ZFP30: variants seen among roughly 807,000 people sequenced by gnomAD.
ZFP30 encodes zinc finger protein 30 homolog.
ZFP30 carries 16 observed loss-of-function variants against 12.3 expected under a neutral mutation model. The ratio of observed to expected loss-of-function variants is 1.30; its 90% CI spans 0.88 to 1.98. The LOEUF (loss-of-function observed/expected upper bound fraction) is 1.98. ZFP30 is among the 30% of genes most tolerant of loss of function. The pLI is 0.00. For synonymous variants in ZFP30, 172 were observed against 201.0 expected, an observed-to-expected ratio of 0.86 and a Z score of 1.22; for missense variants, 560 against 611.2, an observed-to-expected ratio of 0.92 and a Z score of 0.88.
intron 2 of ZFP30, among the ~76,000 whole-genome samples, chr19:37,652,175 C>T (rs1196232186): frequency 6.6e-6 from 1 of 152,128 alleles, no homozygotes; most frequent in Non-Finnish European, 1.5e-5. Context: ...TCCATGGAGT[C>T]ATATAATCCA....
intron 5 of ZFP30, 83 bp from the exon 6 acceptor site, chr19:37,636,388 CA>C (rs58180098): frequency 0.17 from 147,854 of 877,794 alleles, 7 homozygotes; most frequent in East Asian, 0.2. Context: ...AATCGGTGAC[CA>C]AAAAAAAAAA....
chr19:37,639,302 A>G (rs1270720766), intron 5 of ZFP30, among the ~76,000 whole-genome samples: 4 of 152,268 alleles, frequency 2.6e-5, no homozygotes, highest in Non-Finnish European at 5.9e-5. Flanking sequence ...AGGTTAAGAA[A>G]TAAGATGCTC....
chr19:37,632,156 T>A lies in ZFP30; in HGVS notation c.*2825A>T, dbSNP rs1202932835. ...TTTTAGAAAGCGTATCTTCTAACCG[T>A]CTTAATTTTTCATTTGTTTGTTGGT... is the stretch of plus-strand genomic sequence containing the variant. On this transcript the variant is annotated 3_prime_UTR_variant, in exon 6 of 6. Coordinates refer to ENST00000684514, the MANE Select transcript of ZFP30 (RefSeq NM_001320669.3). The A allele has an allele frequency of 3.9e-5, 6 of 151,924 alleles. No individual in the cohort carries two copies. The highest frequency in any genetic ancestry group is 5.9e-5 in the Non-Finnish European group (4 of 67,958). 9.4% of individuals were successfully genotyped at this position (151,924 alleles called of 1,614,324 possible).
intron 3 of ZFP30, among the ~76,000 whole-genome samples, chr19:37,645,077 C>T (rs889299469): frequency 1.3e-4 from 20 of 152,070 alleles, no homozygotes; most frequent in African/African-American, 2.7e-4. Context: ...TGGTGGCGGG[C>T]GCCTGTAGTC....
rs1421950181 is a variant in ZFP30 at position 37,633,611 on chromosome 19, A to G, written c.*1370T>C. 1.3e-5 allele frequency: 2 copies of G among 152,146 alleles called. No individual in the cohort carries two copies. The highest frequency in any genetic ancestry group is 4.8e-5 in the African/African-American group (2 of 41,420). 9.4% of individuals were successfully genotyped at this position (152,146 alleles called of 1,614,324 possible). A position where few individuals can be genotyped will look rare whatever the true frequency, so the allele number is the denominator to read the frequency against. On this transcript the variant is annotated 3_prime_UTR_variant, in exon 6 of 6. Coordinates refer to ENST00000684514, the MANE Select transcript of ZFP30 (RefSeq NM_001320669.3). ...TCATGATCTGCCCACCGGCCTCCCA[A>G]AGTGCTGGGATTACAGGCATGAGCC...
At chr19:37,646,264 G>A (rs917664704) in intron 3 of ZFP30, among the ~76,000 whole-genome samples, 7 of 152,150 alleles carry the variant, frequency 4.6e-5, no homozygotes, top group Non-Finnish European at 2.9e-5. Flanking sequence ...CTTGGGTAAC[G>A]AGGGACTGCT....
intron 4 of ZFP30, chr19:37,644,350 C>G (rs2044496777): frequency 4.6e-6 from 1 of 215,466 alleles, no homozygotes; most frequent in Admixed American, 5.9e-5. Context: ...CCCGGCCAAC[C>G]TGGTGAAACC....
At position 37,635,594 on chromosome 19, in the gene ZFP30, T is replaced by C. The variant is rs374385971; in HGVS notation, c.947A>G (p.His316Arg). 4.3e-6 allele frequency: 7 copies of C among 1,614,220 alleles called. No individual in the cohort carries two copies. The South Asian group carries it at 6.6e-5, about 15-fold the overall frequency. The change falls in exon 6 of 6, where the codon CAT (histidine) becomes CGT (arginine). Residue 316 changes from histidine (H) to arginine (R), a missense_variant. His to Arg is a conservative substitution (Grantham distance 29). Transcript: ENST00000684514. ...AFLCSTGLRL[H>R]HKLHTGEKPY... ...TTTTTCTCCAGTATGAAGTTTGTGA[T>C]GTAGTCGAAGGCCTGTACTACACAG... is the stretch of plus-strand genomic sequence containing the variant.
intron 5 of ZFP30, among the ~76,000 whole-genome samples, chr19:37,638,161 C>A (rs1022352017): frequency 6.6e-6 from 1 of 152,198 alleles, no homozygotes; most frequent in African/African-American, 2.4e-5. Flanking sequence ...CTTGCAGATA[C>A]CTCCACTGCA....
chr19:37,652,683 T>A (rs1044879771), intron 2 of ZFP30, among the ~76,000 whole-genome samples: 1 of 152,188 alleles, frequency 6.6e-6, no homozygotes, highest in Admixed American at 6.5e-5. Flanking sequence ...ATTGGGACCA[T>A]TGATCATTTT....
chr19:37,647,803 T>C lies in ZFP30; in HGVS notation c.9+11A>G. The C allele has an allele frequency of 2.5e-6, 4 of 1,613,812 alleles. No individual in the cohort carries two copies. Among genetic ancestry groups the C allele is most frequent in the South Asian group, 1.1e-5 (1 of 91,066 alleles). On this transcript the variant is annotated intron_variant, in intron 3 of 5. Transcript: ENST00000684514. ...GACAGAATTCCAAAGTAGAGAGAAA[T>C]TCCAACTTACACGAGCCATGATTTT... is the stretch of plus-strand genomic sequence containing the variant.
intron 2 of ZFP30, among the ~76,000 whole-genome samples, chr19:37,650,011 A>G (rs2044617943): frequency 6.6e-6 from 1 of 152,054 alleles, no homozygotes; most frequent in Non-Finnish European, 1.5e-5. Context: ...GCATACATGT[A>G]TATGCATGTG....
Position 37,634,834 on chromosome 19 carries a change from A to C in ZFP30, c.*147T>G. On this transcript the variant is annotated 3_prime_UTR_variant, in exon 6 of 6. Transcript: ENST00000684514. ...GGTGATGAAAGGCTTCTATATGTTC[A>C]TTAACATATTCTTTCCTTTAAATAA... The C allele has an allele frequency of 1.1e-6, 1 of 878,068 alleles. No individual in the cohort carries two copies. Among genetic ancestry groups the C allele is most frequent in the Non-Finnish European group, 1.6e-6 (1 of 628,448 alleles). 54.4% of individuals were successfully genotyped at this position (878,068 alleles called of 1,614,324 possible).
At position 37,635,701 on chromosome 19, in the gene ZFP30, C is replaced by G. The variant is rs761449068; in HGVS notation, c.840G>C (p.Arg280Ser). The stretch of plus-strand genomic sequence containing the variant: ...GATGTCGAGTAAGGTGTGCATACTG[C>G]CTAAAGGCCTTCCCACATTCTTTAC... ...YECKECGKAF[R>S]QYAHLTRHQR... Residue 280 changes from arginine (R) to serine (S), a missense_variant, in exon 6 of 6, where the codon AGG becomes AGC. Transcript: ENST00000684514. The G allele has an allele frequency of 5.0e-6, 8 of 1,613,934 alleles. No homozygotes were observed. Among genetic ancestry groups the G allele is most frequent in the Non-Finnish European group, 5.9e-6 (7 of 1,179,968 alleles).
intron 2 of ZFP30, among the ~76,000 whole-genome samples, chr19:37,649,815 C>A (rs1028518235): frequency 4.8e-5 from 7 of 144,962 alleles, no homozygotes; most frequent in African/African-American, 7.7e-5. Flanking sequence ...TAGAGTGATA[C>A]CCCGTCTTAA....
At position 37,642,699 on chromosome 19, in the gene ZFP30, T is replaced by C. The variant is rs900121810; in HGVS notation, c.235+566A>G. Among the ~76,000 whole-genome samples, 3 of 152,060 alleles carry C rather than the reference T, an allele frequency of 2.0e-5. No individual in the cohort carries two copies. In the South Asian group the frequency reaches 6.2e-4, roughly 32 times the overall value. ...CAAAATACAGGTAAAATGGAATCAC[T>C]AGGGCAGAAAGCTTTCCTCTACTGA... is the stretch of plus-strand genomic sequence containing the variant. On this transcript the variant is annotated intron_variant, in intron 5 of 5. Transcript: ENST00000684514.
At chr19:37,644,545 AAGAC>A (rs2044501473) in intron 4 of ZFP30, 61 bp downstream of exon 4, 1 of 1,477,144 alleles carries the variant, frequency 6.8e-7, no homozygotes, top group African/African-American at 1.5e-5. Context: ...GAAAAAAACA[AAGAC>A]AGCCCAGAAA....
At chr19:37,646,886 G>A (rs989174243) in intron 3 of ZFP30, among the ~76,000 whole-genome samples, 8 of 152,108 alleles carry the variant, frequency 5.3e-5, no homozygotes, top group Non-Finnish European at 1.2e-4. Flanking sequence ...TTACAGGCAT[G>A]AGCCACCACT....
intron 5 of ZFP30, among the ~76,000 whole-genome samples, chr19:37,639,096 TTC>T (rs898391379): frequency 6.6e-6 from 1 of 152,052 alleles, no homozygotes; most frequent in Non-Finnish European, 1.5e-5. Flanking sequence ...ATAATCGTGT[TTC>T]TCTCTCTCTG....
Sources: allele counts gnomAD v4.1 joint callset (sites outside exome capture counted in the v4.1 genomes callset), GRCh38; gene constraint gnomAD v4.1.1; transcripts MANE v1.5; gene names NCBI Gene and HGNC (gene_info 2026-07-23, HGNC 2026-07-21).